The following ACSL5 variants were observed in gnomAD, a reference collection of about 807,000 sequenced individuals.
The protein encoded by ACSL5 is acyl-CoA synthetase long chain family member 5.
ACSL5 carries 50 observed loss-of-function variants against 84.9 expected under a neutral mutation model. The observed-to-expected ratio is 0.59, with a 90% CI of 0.47 to 0.75. ACSL5 has a LOEUF of 0.75. Among genes scored for constraint, ACSL5 ranks in the 30% least tolerant of loss-of-function variants. ACSL5 has a pLI of 0.00. For synonymous variants in ACSL5, 280 were observed against 300.7 expected, an observed-to-expected ratio of 0.93 and a Z score of 0.71; for missense variants, 775 against 830.4, an observed-to-expected ratio of 0.93 and a Z score of 0.82.
intron 18 of ACSL5, among the ~76,000 whole-genome samples, 160 bp from the exon 19 acceptor site, chr10:112,426,098 T>TG (rs34341101): frequency 0.92 from 140,284 of 152,206 alleles, 64,743 homozygotes; most frequent in East Asian, 0.99. Context: ...TACAGTTCCA[T>TG]GGTGTTGAAA....
intron 12 of ACSL5, among the ~76,000 whole-genome samples, chr10:112,415,366 A>C (rs1844291912): frequency 6.6e-6 from 1 of 151,988 alleles, no homozygotes; most frequent in Non-Finnish European, 1.5e-5. Flanking sequence ...CGACCGGCTA[A>C]TTTTTTGTAT....
At chr10:112,376,185 T>TG in intron 1 of ACSL5, 1 of 1,340,398 alleles carries the variant, frequency 7.5e-7, no homozygotes, top group African/African-American at 1.5e-5. Context: ...CTTTCAGTTG[T>TG]GAAAAAAAAA....
At chr10:112,383,496 C>G (rs1260420928) in intron 1 of ACSL5, among the ~76,000 whole-genome samples, 1 of 152,214 alleles carries the variant, frequency 6.6e-6, no homozygotes, top group East Asian at 1.9e-4. Context: ...CAGGGCCCCT[C>G]GGCCCTGTGA....
intron 1 of ACSL5, among the ~76,000 whole-genome samples, chr10:112,382,759 C>T (rs1395049227): frequency 6.6e-6 from 1 of 152,210 alleles, no homozygotes; most frequent in African/African-American, 2.4e-5. Flanking sequence ...CTGTCTTACA[C>T]ATTGGGACTG....
intron 1 of ACSL5, among the ~76,000 whole-genome samples, chr10:112,391,043 G>GCCCGATTGTACAATTAAA (rs1849551409): frequency 6.6e-6 from 1 of 152,124 alleles, no homozygotes; most frequent in African/African-American, 2.4e-5. Flanking sequence ...ATTTTAAAGT[G>GCCCGATTGTACAATTAAA]GTTAATTCTA....
chr10:112,386,568 G>C (rs1298318682), intron 1 of ACSL5, among the ~76,000 whole-genome samples: 1 of 151,922 alleles, frequency 6.6e-6, no homozygotes, highest in African/African-American at 2.4e-5. Flanking sequence ...CCCAATTCCT[G>C]CTATTTTTCA....
At chr10:112,411,867 C>A in intron 10 of ACSL5, 35 bp from the exon 11 acceptor site, 1 of 1,574,270 alleles carries the variant, frequency 6.4e-7, no homozygotes, top group Non-Finnish European at 8.7e-7. Flanking sequence ...GCATTAATCT[C>A]ATGTTGCCTC....
At chr10:112,378,756 G>A (rs1360252115) in intron 1 of ACSL5, among the ~76,000 whole-genome samples, 2 of 152,164 alleles carry the variant, frequency 1.3e-5, no homozygotes, top group African/African-American at 4.8e-5. Flanking sequence ...AAATGCATCT[G>A]GGTCTATTTC....
At position 112,422,457 on chromosome 10, in the gene ACSL5, G is replaced by T; in HGVS notation, c.1593+16G>T. On this transcript the variant is annotated intron_variant, in intron 17 of 20. Transcript: ENST00000354655. ...CTGGCTCCCGGTAGGTATATCATCA[G>T]AACTCCTGGAAGTCTATGCTAATGG... is the stretch of plus-strand genomic sequence containing the variant. The T allele has an allele frequency of 4.4e-6, 7 of 1,605,538 alleles. No homozygotes were observed. The highest frequency in any genetic ancestry group is 6.0e-6 in the Non-Finnish European group (7 of 1,173,000).
chr10:112,404,650 G>A, intron 4 of ACSL5, 55 bp from the exon 5 acceptor site: 1 of 1,601,306 alleles, frequency 6.2e-7, no homozygotes, highest in Non-Finnish European at 8.6e-7. Context: ...ATATTGGTCA[G>A]TTTTTGGTCT....
At chr10:112,390,722 G>T (rs1849544459) in intron 1 of ACSL5, among the ~76,000 whole-genome samples, 1 of 151,756 alleles carries the variant, frequency 6.6e-6, no homozygotes, top group Admixed American at 6.6e-5. Context: ...CCATACAATG[G>T]GATAACATTG....
At chr10:112,404,604 T>G (rs1352835487) in intron 4 of ACSL5, 29 bp downstream of exon 4, 2 of 1,606,644 alleles carry the variant, frequency 1.2e-6, no homozygotes, top group Non-Finnish European at 1.7e-6. Context: ...TTTAGACAGA[T>G]TCTTTCTAAC....
chr10:112,376,107 G>A (rs1454114983), intron 1 of ACSL5: 1 of 658,070 alleles, frequency 1.5e-6, no homozygotes, highest in Non-Finnish European at 2.5e-6. Flanking sequence ...AGGGGCTGAG[G>A]TGAAAGGCTT....
At position 112,408,502 on chromosome 10, in the gene ACSL5, C is replaced by T. The variant is rs192376128; in HGVS notation, c.513C>T (p.Ile171=). 9.2e-5 allele frequency: 149 copies of T among 1,611,372 alleles called. No homozygotes were observed. The East Asian group carries it at 3.0e-3, about 32-fold the overall frequency. The change falls in exon 6 of 21, where the codon ATC becomes ATT. Residue 171 remains isoleucine, a synonymous_variant. Transcript: ENST00000354655. ...ATGACACCTTGGGACCAGAAGCCATCGTACATATTGTCAACAAGGGTAAAA... is the reference window on the plus strand; with the variant it reads ...ATGACACCTTGGGACCAGAAGCCATTGTACATATTGTCAACAAGGGTAAAA... The part of the protein sequence containing the change: ...PLYDTLGPEA[I]VHIVNKADIA...
At chr10:112,423,198 A>AT (rs1844530165) in intron 17 of ACSL5, among the ~76,000 whole-genome samples, 1 of 53,342 alleles carries the variant, frequency 1.9e-5, no homozygotes, top group African/African-American at 5.9e-5. Flanking sequence ...AAAAAAAAAA[A>AT]AAAAAAAAAA....
Position 112,410,426 on chromosome 10 carries a change from A to G in ACSL5, c.712-37A>G, listed in dbSNP as rs1373231062. The G allele has an allele frequency of 1.9e-6, 3 of 1,613,464 alleles. No individual in the cohort carries two copies. In the East Asian group the frequency reaches 6.7e-5, roughly 36 times the overall value. On this transcript the variant is annotated intron_variant, in intron 7 of 20. Transcript: ENST00000354655. ...CATTTATCACAGTCTGTCCATCTCA[A>G]CTAATGTCTTTCTTTCTTGGTTTTC...
At chr10:112,378,082 C>T (rs1234353542) in intron 1 of ACSL5, among the ~76,000 whole-genome samples, 2 of 152,016 alleles carry the variant, frequency 1.3e-5, no homozygotes, top group East Asian at 3.9e-4. Context: ...TAACCATCCA[C>T]CTATAGTGAG....
chr10:112,421,676 C>T lies in ACSL5; in HGVS notation c.1387+11C>T, dbSNP rs755867524. The T allele has an allele frequency of 6.2e-7, 1 of 1,610,412 alleles. No individual in the cohort carries two copies. Among genetic ancestry groups the T allele is most frequent in the Admixed American group, 1.7e-5 (1 of 60,020 alleles). On this transcript the variant is annotated intron_variant, in intron 15 of 20. Transcript: ENST00000354655. ...GGGACTGGACATCAGGTAAGTCCTC[C>T]ATCTGCTGGGCAGGAGGTGCCATGG...
At chr10:112,396,674 T>C (rs1019004962) in intron 2 of ACSL5, among the ~76,000 whole-genome samples, 2 of 152,092 alleles carry the variant, frequency 1.3e-5, no homozygotes, top group African/African-American at 4.8e-5. Context: ...TTTTCATGCA[T>C]GTTTTCTCCC....
Sources: allele counts gnomAD v4.1 joint callset (sites outside exome capture counted in the v4.1 genomes callset), GRCh38; gene constraint gnomAD v4.1.1; transcripts MANE v1.5; gene names NCBI Gene and HGNC (gene_info 2026-07-23, HGNC 2026-07-21).